The following MPP7 variants were observed in gnomAD, a reference collection of about 807,000 sequenced individuals.
MPP7 encodes the protein MAGUK p55 scaffold protein 7, also known as MAGUK p55 subfamily member 7.
In MPP7, 60 loss-of-function variants were observed where a neutral mutation model predicts 76.5. The observed-to-expected ratio is 0.78, with a 90% CI of 0.64 to 0.97. MPP7 has a LOEUF of 0.97. MPP7 is among the 50% of genes least tolerant of loss of function. The pLI is 0.00. For synonymous variants in MPP7, 237 were observed against 244.5 expected, an observed-to-expected ratio of 0.97 and a Z score of 0.29; for missense variants, 641 against 694.0, an observed-to-expected ratio of 0.92 and a Z score of 0.86.
At chr10:28,109,587 C>G (rs1564634644) in intron 11 of MPP7, among the ~76,000 whole-genome samples, 1 of 151,828 alleles carries the variant, frequency 6.6e-6, no homozygotes, top group Non-Finnish European at 1.5e-5. Flanking sequence ...GCCCATTGAG[C>G]CTGTGTAACG....
intron 3 of MPP7, among the ~76,000 whole-genome samples, chr10:28,150,913 G>A (rs1396954851): frequency 6.6e-6 from 1 of 152,108 alleles, no homozygotes; most frequent in Non-Finnish European, 1.5e-5. Context: ...ATAACTGTCA[G>A]CACTTAAGTT....
At chr10:28,225,152 A>C (rs1838647975) in intron 2 of MPP7, among the ~76,000 whole-genome samples, 1 of 152,186 alleles carries the variant, frequency 6.6e-6, no homozygotes, top group Non-Finnish European at 1.5e-5. Flanking sequence ...CCCTTACCTC[A>C]CACCACATAC....
chr10:28,213,809 A>G (rs534672589), intron 2 of MPP7, among the ~76,000 whole-genome samples: 2,456 of 135,906 alleles, frequency 0.018, 29 homozygotes, highest in Middle Eastern at 0.042. Flanking sequence ...AAAAAAAAAA[A>G]AGAGAGAGAG....
intron 12 of MPP7, among the ~76,000 whole-genome samples, chr10:28,082,856 C>T (rs1037095753): frequency 6.6e-6 from 1 of 152,048 alleles, no homozygotes; most frequent in Non-Finnish European, 1.5e-5. Context: ...CTCAGTCTCC[C>T]GAACAGCTGA....
At chr10:28,244,193 T>TGCTGA in intron 1 of MPP7, among the ~76,000 whole-genome samples, 1 of 152,298 alleles carries the variant, frequency 6.6e-6, no homozygotes, top group East Asian at 1.9e-4. Flanking sequence ...TATCCTTACA[T>TGCTGA]CCTATCTGCT....
At chr10:28,177,060 A>C (rs1193504623) in intron 3 of MPP7, among the ~76,000 whole-genome samples, 1 of 151,712 alleles carries the variant, frequency 6.6e-6, no homozygotes, top group Non-Finnish European at 1.5e-5. Context: ...GAAAAAAACA[A>C]GAATAATTGC....
At chr10:28,069,200 A>G (rs942274465) in intron 13 of MPP7, among the ~76,000 whole-genome samples, 4 of 152,226 alleles carry the variant, frequency 2.6e-5, no homozygotes, top group African/African-American at 9.6e-5. Flanking sequence ...TTAATTGTAT[A>G]TTTTAAAATA....
At chr10:28,212,590 T>A (rs775790753) in intron 2 of MPP7, among the ~76,000 whole-genome samples, 2 of 152,032 alleles carry the variant, frequency 1.3e-5, no homozygotes, top group Non-Finnish European at 2.9e-5. Flanking sequence ...TGAGGTAAAA[T>A]GAGATCCCCA....
At chr10:28,230,797 C>A (rs1024821354) in intron 2 of MPP7, among the ~76,000 whole-genome samples, 1 of 152,142 alleles carries the variant, frequency 6.6e-6, no homozygotes, top group African/African-American at 2.4e-5. Context: ...GCCTGGGAGA[C>A]AGAGCGAGAA....
At chr10:28,308,917 C>CA (rs56372833) in intron 2 of MPP7, among the ~76,000 whole-genome samples, 54,388 of 152,000 alleles carry the variant, frequency 0.36, 9,983 homozygotes, top group East Asian at 0.54. Context: ...ACCAAGGACA[C>CA]GGACTAAGAA....
At chr10:28,230,861 G>A (rs1838858883) in intron 2 of MPP7, among the ~76,000 whole-genome samples, 1 of 151,978 alleles carries the variant, frequency 6.6e-6, no homozygotes, top group Non-Finnish European at 1.5e-5. Context: ...AGAACTACAA[G>A]ATAAATCCAT....
intron 5 of MPP7, among the ~76,000 whole-genome samples, chr10:28,140,246 A>G (rs1159952496): frequency 6.6e-6 from 1 of 152,200 alleles, no homozygotes; most frequent in Non-Finnish European, 1.5e-5. Context: ...TGCGATGGCT[A>G]CCGCCTATAA....
chr10:28,208,588 G>C (rs1459831732), intron 2 of MPP7, among the ~76,000 whole-genome samples: 1 of 147,158 alleles, frequency 6.8e-6, no homozygotes, highest in Non-Finnish European at 1.5e-5. Flanking sequence ...AAAGGAGAAA[G>C]AAAAAGCAAA....
intron 1 of MPP7, among the ~76,000 whole-genome samples, chr10:28,241,101 C>G (rs985703823): frequency 6.6e-6 from 1 of 152,086 alleles, no homozygotes; most frequent in African/African-American, 2.4e-5. Flanking sequence ...ATGTTTCATG[C>G]TTGTAAACCA....
At position 28,199,379 on chromosome 10, in the gene MPP7, T is replaced by C. The variant is rs186429020; in HGVS notation, c.156+2774A>G. ...GTTTTTATTATTCTTCGTTTCTATT[T>C]AGGCGTTTTTCTTTTAAAAAGCATC... On this transcript the variant is annotated intron_variant, in intron 3 of 16. Coordinates refer to ENST00000683449, the MANE Select transcript of MPP7 (RefSeq NM_001318170.2). 1.7e-4 allele frequency among the ~76,000 whole-genome samples: 26 copies of C among 152,302 alleles called. No homozygotes were observed. In the East Asian group the frequency reaches 5.0e-3, roughly 29 times the overall value.
At chr10:28,187,962 T>C (rs1427329506) in intron 3 of MPP7, among the ~76,000 whole-genome samples, 1 of 152,220 alleles carries the variant, frequency 6.6e-6, no homozygotes, top group Admixed American at 6.5e-5. Flanking sequence ...AAGAATTACC[T>C]TCAAACTGGT....
intron 2 of MPP7, among the ~76,000 whole-genome samples, chr10:28,211,895 G>C (rs1056765186): frequency 6.6e-6 from 1 of 152,048 alleles, no homozygotes; most frequent in African/African-American, 2.4e-5. Flanking sequence ...TTTTACTTTA[G>C]AGTGAAAGAG....
chr10:28,139,747 T>G (rs1835454343), intron 5 of MPP7, among the ~76,000 whole-genome samples: 1 of 152,206 alleles, frequency 6.6e-6, no homozygotes, highest in Non-Finnish European at 1.5e-5. Context: ...TACAATTAAT[T>G]TAATGATTAT....
At chr10:28,068,455 A>G (rs76861409) in intron 13 of MPP7, among the ~76,000 whole-genome samples, 2,594 of 152,284 alleles carry the variant, frequency 0.017, 57 homozygotes, top group East Asian at 0.11. Flanking sequence ...AAAAGCCAAC[A>G]TTTCAATTTA....
Sources: gnomAD v4.1 joint callset for allele counts (sites outside exome capture counted in the v4.1 genomes callset) on GRCh38, gnomAD v4.1.1 for gene constraint, MANE v1.5 for transcripts, NCBI Gene and HGNC (gene_info 2026-07-23, HGNC 2026-07-21) for gene names.